ADD2: variants seen among roughly 807,000 people sequenced by gnomAD.
ADD2 encodes adducin 2.
Under a neutral mutation model 83.0 loss-of-function variants are expected in ADD2, and 23 were observed. That is an observed-to-expected ratio of 0.28 (90% CI 0.20 to 0.39). The LOEUF (loss-of-function observed/expected upper bound fraction) is 0.39. Ranked by LOEUF, ADD2 falls within the 10% of genes least tolerant of loss-of-function variation. ADD2 has a pLI of 1.00. For synonymous variants in ADD2, 375 were observed against 375.4 expected (o/e 1.00, Z 0.01); for missense variants, 758 against 944.9 (o/e 0.80, Z 2.59).
At chr2:70,760,377 C>T (rs1347112597) in intron 1 of ADD2, among the ~76,000 whole-genome samples, 1 of 152,060 alleles carries the variant, frequency 6.6e-6, no homozygotes, top group Non-Finnish European at 1.5e-5. Flanking sequence ...GCTGGATTCC[C>T]CAATTTAGAG....
chr2:70,754,536 A>C (rs1558581438), intron 1 of ADD2, among the ~76,000 whole-genome samples: 1 of 150,292 alleles, frequency 6.7e-6, no homozygotes, highest in Non-Finnish European at 1.5e-5. Context: ...CCTCCTTGTT[A>C]CTCTCCTCTA....
intron 1 of ADD2, among the ~76,000 whole-genome samples, chr2:70,756,918 T>C (rs1211355258): frequency 2.0e-5 from 3 of 151,524 alleles, no homozygotes; most frequent in East Asian, 1.9e-4. Flanking sequence ...AAACTCTGCC[T>C]CCCAGGTTCA....
chr2:70,730,222 C>T (rs1673211036), intron 1 of ADD2, among the ~76,000 whole-genome samples: 1 of 152,182 alleles, frequency 6.6e-6, no homozygotes, highest in African/African-American at 2.4e-5. Flanking sequence ...GCCCTTCCCC[C>T]AGTGTGAATG....
chr2:70,670,246 T>G (rs1669844424), intron 15 of ADD2, among the ~76,000 whole-genome samples: 1 of 152,248 alleles, frequency 6.6e-6, no homozygotes, highest in Non-Finnish European at 1.5e-5. Context: ...CTAACTTATG[T>G]AAAGCATATT....
chr2:70,676,659 C>A lies in ADD2; in HGVS notation c.1593+137G>T. On this transcript the variant is annotated intron_variant, in intron 13 of 15. Transcript: ENST00000264436. The surrounding 1 kb of genome is among the most constrained non-coding windows in gnomAD (Gnocchi z 4.8). Reference sequence around the variant, plus strand: ...CCCTGTGAGGTTGGCCTCCATTTTGCAGCAAGAGCACCGGCACCCAAGATC... The same window carrying A: ...CCCTGTGAGGTTGGCCTCCATTTTGAAGCAAGAGCACCGGCACCCAAGATC... The A allele has an allele frequency of 6.7e-7, 1 of 1,488,830 alleles. No homozygotes were observed. The allele number at this position is 1,488,830 out of a possible 1,614,324, so 92.2% of individuals were successfully genotyped here. A position where few individuals can be genotyped will look rare whatever the true frequency, so the allele number is the denominator to read the frequency against.
At chr2:70,707,018 G>T (rs912509391) in intron 2 of ADD2, among the ~76,000 whole-genome samples, 1 of 152,046 alleles carries the variant, frequency 6.6e-6, no homozygotes. Context: ...AATTATGGTG[G>T]GAAATTCACA....
rs369508265 is a variant in ADD2, at chr2:70,683,684, G to A, written c.1032C>T (p.Ser344=). The change falls in exon 10 of 16, where the codon TCC becomes TCT. Residue 344 remains serine, a synonymous_variant. Coordinates refer to ENST00000264436, the MANE Select transcript of ADD2 (RefSeq NM_001617.4). ...CAAAGGTGCTCCCGGCCCACTGCAC[G>A]GAGCCCACCTCATGGGGCCGGTGCT... ...QEKHRPHEVG[S]VQWAGSTFGP... The A allele has an allele frequency of 5.9e-5, 95 of 1,614,022 alleles. No individual in the cohort carries two copies. The highest frequency in any genetic ancestry group is 7.4e-5 in the Non-Finnish European group (87 of 1,180,026).
chr2:70,660,790 ACT>A lies in ADD2; in HGVS notation c.*2633_*2634del, dbSNP rs1218269328. ...AATCCTTTCATTCTACTGGAAATTT[ACT>A]CTTTGTTTTAAAACCTTAGCAGCCA... On this transcript the variant is annotated 3_prime_UTR_variant, in exon 16 of 16. Coordinates refer to ENST00000264436, the MANE Select transcript of ADD2 (RefSeq NM_001617.4). 3.3e-5 allele frequency: 5 copies of A among 151,764 alleles called. No individual in the cohort carries two copies. Among genetic ancestry groups the A allele is most frequent in the African/African-American group, 4.8e-5 (2 of 41,254 alleles). 9.4% of individuals were successfully genotyped at this position (151,764 alleles called of 1,614,324 possible). A position where few individuals can be genotyped will look rare whatever the true frequency, so the allele number is the denominator to read the frequency against.
At chr2:70,710,519 A>T (rs548412123) in intron 2 of ADD2, among the ~76,000 whole-genome samples, 9 of 152,332 alleles carry the variant, frequency 5.9e-5, no homozygotes, top group Non-Finnish European at 1.2e-4. Context: ...GGTGTAGGAC[A>T]TGGAAGCCCT....
chr2:70,718,699 T>C (rs1340686462), intron 1 of ADD2, among the ~76,000 whole-genome samples: 1 of 152,194 alleles, frequency 6.6e-6, no homozygotes, highest in Non-Finnish European at 1.5e-5. Flanking sequence ...TCCTGGTTTT[T>C]CGGGAGAGGA....
At chr2:70,729,421 G>C (rs1235397722) in intron 1 of ADD2, among the ~76,000 whole-genome samples, 1 of 152,014 alleles carries the variant, frequency 6.6e-6, no homozygotes, top group African/African-American at 2.4e-5. Context: ...AAATTCCCTC[G>C]GTTGGAACAC....
chr2:70,677,637 C>T, intron 12 of ADD2, 121 bp downstream of exon 12: 7 of 1,322,050 alleles, frequency 5.3e-6, no homozygotes, highest in Non-Finnish European at 7.4e-6. Flanking sequence ...GTTTCTCTCT[C>T]CTGTGAGGCA....
At position 70,692,603 on chromosome 2, in the gene ADD2, G is replaced by T. The variant is rs367858434; in HGVS notation, c.556-51C>A. 29 of 1,519,904 alleles carry T rather than the reference G, an allele frequency of 1.9e-5. 1 individual carries two copies. In the African/African-American group the frequency reaches 2.1e-4, roughly 11 times the overall value. 94.2% of individuals were successfully genotyped at this position (1,519,904 alleles called of 1,614,324 possible). A position where few individuals can be genotyped will look rare whatever the true frequency, so the allele number is the denominator to read the frequency against. On this transcript the variant is annotated intron_variant, in intron 6 of 15. Coordinates refer to ENST00000264436, the MANE Select transcript of ADD2 (RefSeq NM_001617.4). The stretch of plus-strand genomic sequence containing the variant: ...ATGGCAACAGGGTGGCCGAGGCCCC[G>T]CACTCCTCTCCCAGCTGGTGGGCCC...
chr2:70,669,532 C>T (rs782557788), intron 15 of ADD2, among the ~76,000 whole-genome samples: 2 of 152,242 alleles, frequency 1.3e-5, no homozygotes, highest in South Asian at 2.1e-4. Context: ...CTCCCATCCA[C>T]TCACCACAGC....
chr2:70,766,435 T>C (rs889226920), intron 1 of ADD2, among the ~76,000 whole-genome samples: 6 of 152,196 alleles, frequency 3.9e-5, no homozygotes, highest in African/African-American at 1.4e-4. Flanking sequence ...TAAACCCCCC[T>C]TTTAAGTCTC....
rs141431061 is a variant in ADD2 at position 70,672,931 on chromosome 2, G to A, written c.1817C>T (p.Ala606Val). Reference protein sequence around the residue: ...SAPASPVQSPAKEAETKSPLV... With the variant: ...SAPASPVQSPVKEAETKSPLV... ...AGGGCTCTTTGTCTCTGCCTCCTTC[G>A]CTGGGCTCTGCACTGGAGAAGCAGG... The change falls in exon 15 of 16, where the codon GCG becomes GTG. Residue 606 changes from alanine (A) to valine (V), a missense_variant. This residue lies in a region of ADD2 where 165 missense variants were observed against 176.2 expected (regional missense o/e 0.94). Coordinates refer to ENST00000264436, the MANE Select transcript of ADD2 (RefSeq NM_001617.4). The A allele has an allele frequency of 3.2e-5, 52 of 1,613,518 alleles. No individual in the cohort carries two copies. In the African/African-American group the frequency reaches 4.7e-4, roughly 15 times the overall value.
At chr2:70,709,993 C>T (rs575495511) in intron 2 of ADD2, among the ~76,000 whole-genome samples, 2 of 152,194 alleles carry the variant, frequency 1.3e-5, no homozygotes, top group African/African-American at 4.8e-5. Context: ...GCAGGCAGCA[C>T]GGCAGAACAA....
rs1558526530 is a variant in ADD2, at chr2:70,678,937, G to A, written c.1150C>T (p.Arg384Cys). 1.9e-6 allele frequency: 3 copies of A among 1,613,330 alleles called. No homozygotes were observed. The highest frequency in any genetic ancestry group is 1.3e-5 in the African/African-American group (1 of 74,906). Residue 384 changes from arginine (R) to cysteine (C), a missense_variant, in exon 11 of 16, where the codon CGC becomes TGC. Around this residue, in one of 5 missense-constraint regions of ADD2, gnomAD observed 394 missense variants for 509.3 expected, o/e 0.77. Transcript: ENST00000264436. ...NLGYRTGYTY[R>C]HPFVQEKTKH... Reference sequence around the variant, plus strand: ...GTTTTCTCTTGAACAAAGGGGTGGCGATACGTGTAACCTGTTCTGTAGCCC... The same window carrying A: ...GTTTTCTCTTGAACAAAGGGGTGGCAATACGTGTAACCTGTTCTGTAGCCC...
At chr2:70,719,771 C>T (rs1553377009) in intron 1 of ADD2, among the ~76,000 whole-genome samples, 5 of 152,202 alleles carry the variant, frequency 3.3e-5, no homozygotes, top group African/African-American at 1.2e-4. Flanking sequence ...ACCTTGCCTG[C>T]CTTTGGCCTT....
Sources: allele counts gnomAD v4.1 joint callset (sites outside exome capture counted in the v4.1 genomes callset), GRCh38; gene constraint gnomAD v4.1.1; regional missense constraint gnomAD v4.1.1; non-coding constraint Gnocchi (gnomAD v3.1); transcripts MANE v1.5; gene names NCBI Gene and HGNC (gene_info 2026-07-23, HGNC 2026-07-21).